RUNX1: variants seen among roughly 807,000 people sequenced by gnomAD.
The protein encoded by RUNX1 is runt-related transcription factor 1.
A neutral mutation model predicts 42.8 loss-of-function variants in RUNX1; 19 were observed. The observed-to-expected ratio is 0.44, with a 90% CI of 0.31 to 0.65. The LOEUF (loss-of-function observed/expected upper bound fraction) is 0.65. RUNX1 is among the 30% of genes least tolerant of loss of function. The probability of loss-of-function intolerance (pLI) is 0.07; values close to 1 mark genes in which losing one functional copy is unlikely to be tolerated. For missense variants in RUNX1, 528 were observed against 672.0 expected, an observed-to-expected ratio of 0.79 and a Z score of 2.37; for synonymous variants, 271 against 289.4, an observed-to-expected ratio of 0.94 and a Z score of 0.64.
intron 6 of RUNX1, among the ~76,000 whole-genome samples, chr21:34,837,740 T>C (rs1390719874): frequency 6.6e-6 from 1 of 152,232 alleles, no homozygotes; most frequent in Non-Finnish European, 1.5e-5. Context: ...GATGCAGCTC[T>C]GAACACCTGC....
intron 2 of RUNX1, among the ~76,000 whole-genome samples, chr21:34,965,411 C>T (rs534770012): frequency 8.5e-5 from 13 of 152,106 alleles, no homozygotes; most frequent in African/African-American, 2.9e-4. Context: ...TCTCTTTTTC[C>T]ACTGCGTAGG....
intron 2 of RUNX1, among the ~76,000 whole-genome samples, chr21:34,973,559 T>C (rs371865984): frequency 6.6e-6 from 1 of 152,260 alleles, no homozygotes; most frequent in African/African-American, 2.4e-5. Context: ...AAATGTTTTA[T>C]CACTGATCCA....
At chr21:34,983,209 T>C (rs965489878) in intron 2 of RUNX1, among the ~76,000 whole-genome samples, 1 of 152,220 alleles carries the variant, frequency 6.6e-6, no homozygotes, top group Non-Finnish European at 1.5e-5. Flanking sequence ...TTTTTCACTG[T>C]AGCTTCTAGG....
At chr21:34,967,848 T>C (rs796426000) in intron 2 of RUNX1, among the ~76,000 whole-genome samples, 7 of 152,322 alleles carry the variant, frequency 4.6e-5, no homozygotes, top group African/African-American at 1.7e-4. Flanking sequence ...TGGCAATTCA[T>C]ATAATCACCA....
At chr21:34,844,830 C>G (rs2057294004) in intron 6 of RUNX1, among the ~76,000 whole-genome samples, 1 of 152,250 alleles carries the variant, frequency 6.6e-6, no homozygotes, top group South Asian at 2.1e-4. Flanking sequence ...AGGTTCTAGG[C>G]TGGCCTTGCA....
chr21:34,928,966 G>GT (rs1555906188), intron 2 of RUNX1, among the ~76,000 whole-genome samples: 9 of 148,474 alleles, frequency 6.1e-5, no homozygotes, highest in Non-Finnish European at 8.9e-5. Context: ...TTTTTTGGGG[G>GT]GGGGGGTAGA....
chr21:34,928,931 T>A (rs1339125435), intron 2 of RUNX1, among the ~76,000 whole-genome samples: 2 of 139,520 alleles, frequency 1.4e-5, no homozygotes, highest in Non-Finnish European at 3.1e-5. Context: ...TCCCTGAGAG[T>A]ATTGCAAGCT....
Position 35,009,059 on chromosome 21 carries a change from G to A in RUNX1, c.58+39783C>T, listed in dbSNP as rs143890921. ...TATCAGTGGTCTCCCTGTTGGCCCT[G>A]AAGAATTTAGAACTGCGTCAAAAGG... is the stretch of plus-strand genomic sequence containing the variant. On this transcript the variant is annotated intron_variant, in intron 2 of 8. Transcript: ENST00000675419. Among the ~76,000 whole-genome samples the A allele has an allele frequency of 6.4e-4, 97 of 152,332 alleles. 1 individual carries two copies. The highest frequency in any genetic ancestry group is 2.3e-3 in the African/African-American group (95 of 41,582).
chr21:34,874,252 C>T (rs921822002), intron 5 of RUNX1, among the ~76,000 whole-genome samples: 28 of 152,010 alleles, frequency 1.8e-4, no homozygotes, highest in African/African-American at 6.8e-4. Flanking sequence ...TATGATTATT[C>T]ATAAACATCT....
At chr21:35,003,877 T>TA (rs2059064761) in intron 2 of RUNX1, among the ~76,000 whole-genome samples, 1 of 152,040 alleles carries the variant, frequency 6.6e-6, no homozygotes, top group Non-Finnish European at 1.5e-5. Context: ...AAGAAAAAAA[T>TA]AAAAAAGAAA....
intron 2 of RUNX1, among the ~76,000 whole-genome samples, chr21:34,971,598 G>A (rs1030553008): frequency 1.3e-5 from 2 of 151,612 alleles, no homozygotes; most frequent in African/African-American, 2.4e-5. Context: ...TATGTATGGC[G>A]TACATACTAT....
At chr21:34,940,058 A>G (rs1193078199) in intron 2 of RUNX1, among the ~76,000 whole-genome samples, 1 of 152,170 alleles carries the variant, frequency 6.6e-6, no homozygotes, top group Non-Finnish European at 1.5e-5. Flanking sequence ...TCCGTGTCCA[A>G]ACAGATTTTT....
chr21:34,972,855 C>A (rs1211605146), intron 2 of RUNX1, among the ~76,000 whole-genome samples: 2 of 152,018 alleles, frequency 1.3e-5, no homozygotes, highest in Non-Finnish European at 2.9e-5. Context: ...TTGGAGAGAG[C>A]CTGATGCTCC....
chr21:34,851,433 G>A (rs1428015948), intron 6 of RUNX1, among the ~76,000 whole-genome samples: 1 of 152,226 alleles, frequency 6.6e-6, no homozygotes, highest in Non-Finnish European at 1.5e-5. Context: ...TTCAACAGGA[G>A]AGGAAAATGA....
intron 2 of RUNX1, among the ~76,000 whole-genome samples, chr21:34,900,554 A>C (rs770911846): frequency 3.9e-5 from 6 of 152,210 alleles, no homozygotes; most frequent in Non-Finnish European, 7.3e-5. Context: ...AGGTGGAAGA[A>C]CACACATACT....
At chr21:35,022,895 GAAT>G (rs71196925) in intron 2 of RUNX1, among the ~76,000 whole-genome samples, 17 of 144,254 alleles carry the variant, frequency 1.2e-4, no homozygotes, top group South Asian at 6.6e-4. Flanking sequence ...TACTCTGTTT[GAAT>G]AATAATAATA....
At position 34,799,479 on chromosome 21, in the gene RUNX1, A is replaced by C; in HGVS notation, c.806-17T>G. ...GCCTTGTATCTGAAGAGAATCAGAA[A>C]GGTCAATTATATGTAAAGTGGGGTG... On this transcript the variant is annotated splice_polypyrimidine_tract_variant and intron_variant, in intron 7 of 8. Coordinates refer to ENST00000675419, the MANE Select transcript of RUNX1 (RefSeq NM_001754.5). 1 of 1,612,298 alleles carries C rather than the reference A, an allele frequency of 6.2e-7. No individual in the cohort carries two copies. The highest frequency in any genetic ancestry group is 8.5e-7 in the Non-Finnish European group (1 of 1,178,408).
At chr21:34,979,182 T>C (rs2058827487) in intron 2 of RUNX1, among the ~76,000 whole-genome samples, 1 of 152,190 alleles carries the variant, frequency 6.6e-6, no homozygotes, top group African/African-American at 2.4e-5. Context: ...TGGAATAGCA[T>C]CTGTGACCCA....
intron 2 of RUNX1, among the ~76,000 whole-genome samples, chr21:35,004,630 G>A (rs2059070405): frequency 6.6e-6 from 1 of 152,154 alleles, no homozygotes; most frequent in African/African-American, 2.4e-5. Flanking sequence ...TTCCCAAATG[G>A]TCCATGGACT....
Sources: allele counts gnomAD v4.1 joint callset (sites outside exome capture counted in the v4.1 genomes callset), GRCh38; gene constraint gnomAD v4.1.1; transcripts MANE v1.5; gene names NCBI Gene and HGNC (gene_info 2026-07-23, HGNC 2026-07-21).